Variants in PIP5K1A observed in about 807,000 individuals in gnomAD.
PIP5K1A encodes phosphatidylinositol-4-phosphate 5-kinase type 1 alpha.
Under a neutral mutation model 72.9 loss-of-function variants are expected in PIP5K1A, and 46 were observed. The observed-to-expected ratio is 0.63, with a 90% CI of 0.50 to 0.81. PIP5K1A has a LOEUF of 0.81. Among genes scored for constraint, PIP5K1A ranks in the 30% least tolerant of loss-of-function variants. The pLI, the probability that PIP5K1A is intolerant of heterozygous loss-of-function variation, is 0.00. For missense variants in PIP5K1A, 458 were observed against 706.1 expected (o/e 0.65, Z 3.98); for synonymous variants, 228 against 255.1 (o/e 0.89, Z 1.01).
At chr1:151,236,537 A>T (rs1366605677) in intron 8 of PIP5K1A, 21 bp from the exon 9 acceptor site, 1 of 1,511,294 alleles carries the variant, frequency 6.6e-7, no homozygotes. Context: ...GGCTCAGATC[A>T]TGTTTTTTTC....
chr1:151,213,936 C>T (rs1687216714), intron 1 of PIP5K1A, among the ~76,000 whole-genome samples: 1 of 152,082 alleles, frequency 6.6e-6, no homozygotes, highest in Admixed American at 6.6e-5. Context: ...TAAGCCTACT[C>T]CCACTATCAG....
chr1:151,237,142 CT>C lies in PIP5K1A; in HGVS notation c.1145+382del, dbSNP rs1691010890. Among the ~76,000 whole-genome samples, 2 of 152,090 alleles carry C rather than the reference CT, an allele frequency of 1.3e-5. 1 individual carries two copies. Among genetic ancestry groups the C allele is most frequent in the South Asian group, 4.1e-4 (2 of 4,830 alleles). On this transcript the variant is annotated intron_variant, in intron 9 of 15. Transcript: ENST00000368888. ...ACCGTGCCCGGCCACAGCACTTTTT[CT>C]TTAGGAAGGGACCCAGCTTCTGGAA...
At chr1:151,225,602 T>C (rs587707171) in intron 3 of PIP5K1A, among the ~76,000 whole-genome samples, 1 of 151,982 alleles carries the variant, frequency 6.6e-6, no homozygotes, top group South Asian at 2.1e-4. Flanking sequence ...CCCAAGCAGC[T>C]GGGATTACAG....
chr1:151,242,357 C>T (rs1691867927), intron 13 of PIP5K1A, 81 bp from the exon 14 acceptor site: 1 of 1,598,896 alleles, frequency 6.3e-7, no homozygotes, highest in Non-Finnish European at 8.6e-7. Context: ...GACCTCTGCT[C>T]CCATTTCTAT....
At chr1:151,197,811 C>T (rs1684692520), upstream of PIP5K1A, 1 of 304,558 alleles carries the variant, frequency 3.3e-6, no homozygotes, top group African/African-American at 2.2e-5. Context: ...CTGGTCTTCC[C>T]ACCAGGGTTC....
In PIP5K1A at chr1:151,240,116, C is replaced by T. The variant is rs2101589730; in HGVS notation, c.1363+77C>T. On this transcript the variant is annotated intron_variant, in intron 12 of 15. Coordinates refer to ENST00000368888, the MANE Select transcript of PIP5K1A (RefSeq NM_001135638.2). ...CCCCAAGAGAACAGAGGGCAGGACA[C>T]CTCTGGTAGGGAGCTGCCAATGCCA... The T allele has an allele frequency of 7.8e-6, 8 of 1,019,980 alleles. No homozygotes were observed. The South Asian group carries it at 9.1e-5, about 12-fold the overall frequency. 63.2% of individuals were successfully genotyped at this position (1,019,980 alleles called of 1,614,324 possible).
chr1:151,238,522 C>T, intron 10 of PIP5K1A: 1 of 447,746 alleles, frequency 2.2e-6, no homozygotes, highest in Non-Finnish European at 4.1e-6. Context: ...TCCTTGGAAG[C>T]ACCAGGGTAG....
chr1:151,242,449 G>C lies in PIP5K1A; in HGVS notation c.1522G>C (p.Gly508Arg). Residue 508 changes from glycine to arginine, a missense_variant, in exon 14 of 16, where the codon GGT (glycine) becomes CGT (arginine). Physicochemically the swap from Gly to Arg is moderately radical, Grantham distance 125 (BLOSUM62 -2). Around this residue, in one of 3 missense-constraint regions of PIP5K1A, gnomAD observed 157 missense variants for 175.5 expected, o/e 0.89. Transcript: ENST00000368888. ...TATCTTTTTTCCAGGCGTTCACCTTGGTCGTCCTGATGTTTTACCTCAGAC... is the reference window on the plus strand; with the variant it reads ...TATCTTTTTTCCAGGCGTTCACCTTCGTCGTCCTGATGTTTTACCTCAGAC... ...KAEVEPGVHL[G>R]RPDVLPQTPP... 6.2e-7 allele frequency: 1 copy of C among 1,614,004 alleles called. No homozygotes were observed. The highest frequency in any genetic ancestry group is 8.5e-7 in the Non-Finnish European group (1 of 1,179,988).
intron 1 of PIP5K1A, among the ~76,000 whole-genome samples, chr1:151,206,395 T>C (rs1685931327): frequency 6.6e-6 from 1 of 152,184 alleles, no homozygotes; most frequent in African/African-American, 2.4e-5. Context: ...CTGAGCAATA[T>C]GGAAGTAATC....
intron 1 of PIP5K1A, chr1:151,216,137 A>G (rs1323614164): frequency 4.5e-6 from 2 of 442,514 alleles, no homozygotes; most frequent in East Asian, 7.1e-5. Flanking sequence ...TCACGAGGTC[A>G]GGAGATCGAG....
chr1:151,230,037 A>G (rs1400457939), intron 4 of PIP5K1A, among the ~76,000 whole-genome samples: 3 of 152,190 alleles, frequency 2.0e-5, no homozygotes. Context: ...GCAGTGAGCC[A>G]AGATCACGCC....
At chr1:151,195,918 G>A (rs1342626074), upstream of PIP5K1A, among the ~76,000 whole-genome samples, 3 of 17,050 alleles carry the variant, frequency 1.8e-4, no homozygotes, top group Admixed American at 8.3e-4. Flanking sequence ...TTTTTGAGAC[G>A]GAGTCTCGCT....
intron 8 of PIP5K1A, among the ~76,000 whole-genome samples, chr1:151,236,306 G>A (rs745890879): frequency 3.3e-5 from 5 of 151,276 alleles, no homozygotes; most frequent in East Asian, 2.0e-4. Flanking sequence ...TGGTGAAACC[G>A]TCTCTATGAA....
intron 12 of PIP5K1A, 129 bp downstream of exon 12, chr1:151,240,168 A>G (rs1691486523): frequency 5.7e-6 from 4 of 695,774 alleles, no homozygotes; most frequent in Non-Finnish European, 1.0e-5. Flanking sequence ...CCTACATCCC[A>G]TGAGAGCCAT....
chr1:151,214,037 T>TA (rs932266942), intron 1 of PIP5K1A, among the ~76,000 whole-genome samples: 1 of 152,200 alleles, frequency 6.6e-6, no homozygotes, highest in Non-Finnish European at 1.5e-5. Flanking sequence ...AAAGTTTTTA[T>TA]AAAAAATTGT....
At chr1:151,211,985 G>T (rs956877539) in intron 1 of PIP5K1A, among the ~76,000 whole-genome samples, 1 of 151,304 alleles carries the variant, frequency 6.6e-6, no homozygotes, top group African/African-American at 2.4e-5. Flanking sequence ...GGTGGCAGGT[G>T]CCTGTAGTCC....
At chr1:151,208,255 A>T (rs1461413077) in intron 1 of PIP5K1A, among the ~76,000 whole-genome samples, 6 of 152,270 alleles carry the variant, frequency 3.9e-5, no homozygotes, top group Admixed American at 2.0e-4. Context: ...GTTTCTAGGG[A>T]CATCCTTGCA....
rs61545057 is a variant in PIP5K1A at position 151,208,719 on chromosome 1, C to CTTTTTTTTTTT, written c.85+9658_85+9668dup. On this transcript the variant is annotated intron_variant, in intron 1 of 15. Coordinates refer to ENST00000368888, the MANE Select transcript of PIP5K1A (RefSeq NM_001135638.2). ...TTATTAAGGATGTTGTAATGGTACGCTTTTTTTTTTTTTTTTTTTTTTTTT... is the reference window on the plus strand; with the variant it reads ...TTATTAAGGATGTTGTAATGGTACGCTTTTTTTTTTTTTTTTTTTTTTTTTTTTTTTTTTTT... Among the ~76,000 whole-genome samples the CTTTTTTTTTTT allele has an allele frequency of 2.5e-4, 11 of 43,162 alleles. 2 individuals carry two copies. Among genetic ancestry groups the CTTTTTTTTTTT allele is most frequent in the Non-Finnish European group, 2.6e-4 (6 of 23,042 alleles). The allele number at this position is 43,162 out of a possible 152,430, so 28.3% of individuals were successfully genotyped here.
At chr1:151,231,905 A>G in intron 5 of PIP5K1A, 104 bp downstream of exon 5, 1 of 1,049,334 alleles carries the variant, frequency 9.5e-7, no homozygotes, top group African/African-American at 1.6e-5. Flanking sequence ...ACATGTGTCC[A>G]TTTCTTAACC....
Sources: gnomAD v4.1 joint callset for allele counts (sites outside exome capture counted in the v4.1 genomes callset) on GRCh38, gnomAD v4.1.1 for gene constraint, gnomAD v4.1.1 regional missense constraint, MANE v1.5 for transcripts, NCBI Gene and HGNC (gene_info 2026-07-23, HGNC 2026-07-21) for gene names.